Variants in EXOC6 observed in about 807,000 individuals in gnomAD.
EXOC6 encodes exocyst complex component 6.
EXOC6 carries 60 observed loss-of-function variants against 112.5 expected under a neutral mutation model. That is an observed-to-expected ratio of 0.53 (90% CI 0.43 to 0.66). The LOEUF (loss-of-function observed/expected upper bound fraction) is 0.66. EXOC6 is among the 30% of genes least tolerant of loss of function. The probability of loss-of-function intolerance (pLI) is 0.00; values close to 1 mark genes in which losing one functional copy is unlikely to be tolerated. For missense variants in EXOC6, 855 were observed against 957.1 expected (o/e 0.89, Z 1.41); for synonymous variants, 295 against 308.0 (o/e 0.96, Z 0.44).
At chr10:93,023,653 A>G (rs1027522977) in intron 20 of EXOC6, among the ~76,000 whole-genome samples, 3 of 152,202 alleles carry the variant, frequency 2.0e-5, no homozygotes, top group African/African-American at 7.2e-5. Context: ...AAGTTGCTAA[A>G]TGATGGACTT....
At chr10:92,860,724 G>C (rs1231181507) in intron 1 of EXOC6, among the ~76,000 whole-genome samples, 3 of 152,092 alleles carry the variant, frequency 2.0e-5, no homozygotes, top group African/African-American at 2.4e-5. Context: ...TTTCTGTTAC[G>C]GGTTTATTTC....
chr10:92,929,544 A>AC (rs1268247066), intron 9 of EXOC6, among the ~76,000 whole-genome samples: 2 of 152,222 alleles, frequency 1.3e-5, no homozygotes, highest in East Asian at 3.8e-4. Context: ...AAGACTCGAT[A>AC]TTTGAATTAT....
At chr10:92,829,590 G>T (rs531411245) in intron 1 of EXOC6, among the ~76,000 whole-genome samples, 40 of 152,240 alleles carry the variant, frequency 2.6e-4, no homozygotes, top group African/African-American at 8.4e-4. Context: ...ATTGTAGAGG[G>T]GGCACCTGTG....
intron 1 of EXOC6, among the ~76,000 whole-genome samples, chr10:92,861,409 T>G (rs1847906471): frequency 6.6e-6 from 1 of 152,126 alleles, no homozygotes; most frequent in Admixed American, 6.5e-5. Flanking sequence ...GGCAGCTGGG[T>G]CCCCAATATC....
intron 1 of EXOC6, among the ~76,000 whole-genome samples, chr10:92,835,230 G>C (rs1414671780): frequency 6.6e-6 from 1 of 152,170 alleles, no homozygotes; most frequent in Non-Finnish European, 1.5e-5. Flanking sequence ...CCATTTATTT[G>C]TATTGTAGCT....
At chr10:92,855,116 C>T (rs900141792) in intron 1 of EXOC6, among the ~76,000 whole-genome samples, 2 of 152,194 alleles carry the variant, frequency 1.3e-5, no homozygotes, top group African/African-American at 4.8e-5. Flanking sequence ...CAAAATCTCA[C>T]TGTGTTGCCC....
intron 20 of EXOC6, among the ~76,000 whole-genome samples, chr10:93,017,012 C>T (rs374566647): frequency 1.3e-5 from 2 of 151,770 alleles, no homozygotes; most frequent in South Asian, 2.1e-4. Flanking sequence ...GGTGGGGTTT[C>T]GCCGGGTTGG....
chr10:92,850,624 A>G (rs1431427129), intron 1 of EXOC6, among the ~76,000 whole-genome samples: 1 of 152,212 alleles, frequency 6.6e-6, no homozygotes, highest in Non-Finnish European at 1.5e-5. Context: ...ATGAACCACC[A>G]TGAACTGTCA....
At chr10:92,882,079 T>G (rs774950835) in intron 1 of EXOC6, among the ~76,000 whole-genome samples, 3 of 152,202 alleles carry the variant, frequency 2.0e-5, no homozygotes, top group Admixed American at 6.5e-5. Flanking sequence ...AAGGTTGTTA[T>G]TCATGTCTGC....
intron 1 of EXOC6, among the ~76,000 whole-genome samples, chr10:92,881,823 G>A (rs903862902): frequency 2.0e-5 from 3 of 152,188 alleles, no homozygotes; most frequent in Admixed American, 6.6e-5. Context: ...AAGTTCTCAC[G>A]AGATCTGATG....
At chr10:92,991,598 T>C (rs2134157927) in intron 18 of EXOC6, among the ~76,000 whole-genome samples, 1 of 152,176 alleles carries the variant, frequency 6.6e-6, no homozygotes, top group Middle Eastern at 3.4e-3. Context: ...CTGCCAAAGT[T>C]TGATAAGCCC....
At chr10:93,056,545 A>G (rs887769112) in intron 20 of EXOC6, among the ~76,000 whole-genome samples, 1 of 152,222 alleles carries the variant, frequency 6.6e-6, no homozygotes, top group Non-Finnish European at 1.5e-5. Context: ...TAAGTTCTTT[A>G]AAATTCTTCA....
intron 20 of EXOC6, among the ~76,000 whole-genome samples, chr10:93,050,487 C>A (rs939936544): frequency 2.0e-5 from 3 of 151,134 alleles, no homozygotes; most frequent in African/African-American, 4.9e-5. Flanking sequence ...AGGCCAGGTG[C>A]GGTGGCTCAC....
chr10:92,920,526 C>T (rs1040148541), intron 8 of EXOC6, among the ~76,000 whole-genome samples: 1 of 152,144 alleles, frequency 6.6e-6, no homozygotes, highest in Non-Finnish European at 1.5e-5. Flanking sequence ...CCATTACCCA[C>T]CCCTCCAACC....
chr10:92,984,502 G>T (rs1842932610), intron 18 of EXOC6, among the ~76,000 whole-genome samples: 1 of 151,922 alleles, frequency 6.6e-6, no homozygotes, highest in Non-Finnish European at 1.5e-5. Flanking sequence ...CTGTTTCTTG[G>T]ATCCCAGGCT....
intron 17 of EXOC6, among the ~76,000 whole-genome samples, chr10:92,957,480 G>T (rs1442204826): frequency 6.6e-6 from 1 of 152,140 alleles, no homozygotes; most frequent in Non-Finnish European, 1.5e-5. Context: ...AGAAATGTTA[G>T]CTCTGGTTCA....
chr10:93,043,688 A>T (rs1341769298), intron 20 of EXOC6, among the ~76,000 whole-genome samples: 1 of 152,118 alleles, frequency 6.6e-6, no homozygotes, highest in Admixed American at 6.6e-5. Context: ...TCAGGTAGGG[A>T]TTTCTTTTTG....
chr10:92,870,467 A>C (rs535501391), intron 1 of EXOC6, among the ~76,000 whole-genome samples: 1 of 152,274 alleles, frequency 6.6e-6, no homozygotes, highest in South Asian at 2.1e-4. Flanking sequence ...TGCTTCTTAG[A>C]ATAAACCCCA....
At chr10:93,019,316 T>A (rs1844676656) in intron 20 of EXOC6, among the ~76,000 whole-genome samples, 1 of 152,190 alleles carries the variant, frequency 6.6e-6, no homozygotes, top group Non-Finnish European at 1.5e-5. Context: ...TTTAAAACAT[T>A]GCTGATTCTT....
Sources: allele counts gnomAD v4.1 joint callset (sites outside exome capture counted in the v4.1 genomes callset), GRCh38; gene constraint gnomAD v4.1.1; transcripts MANE v1.5; gene names NCBI Gene and HGNC (gene_info 2026-07-23, HGNC 2026-07-21).